PPP3CA: variants seen among roughly 807,000 people sequenced by gnomAD.
PPP3CA encodes the protein protein phosphatase 3 catalytic subunit alpha.
Under a neutral mutation model 66.5 loss-of-function variants are expected in PPP3CA, and 14 were observed. The observed-to-expected ratio is 0.21, with a 90% CI of 0.14 to 0.33. PPP3CA has a LOEUF of 0.33. PPP3CA is among the 10% of genes least tolerant of loss of function. The probability of loss-of-function intolerance (pLI) is 1.00; values close to 1 mark genes in which losing one functional copy is unlikely to be tolerated. For synonymous variants in PPP3CA, 232 were observed against 226.2 expected (o/e 1.03, Z -0.23); for missense variants, 317 against 639.5 (o/e 0.50, Z 5.44).
At chr4:101,307,390 A>G (rs1728577997) in intron 1 of PPP3CA, among the ~76,000 whole-genome samples, 1 of 152,176 alleles carries the variant, frequency 6.6e-6, no homozygotes, top group Non-Finnish European at 1.5e-5. Flanking sequence ...TACCTTCGAA[A>G]CAATTCTGAG....
In PPP3CA at chr4:101,091,037, T is replaced by G. The variant is rs561669068; in HGVS notation, c.782+2739A>C. Among the ~76,000 whole-genome samples the G allele has an allele frequency of 1.8e-3, 276 of 152,174 alleles. 4 individuals are homozygous for G. Among genetic ancestry groups the G allele is most frequent in the African/African-American group, 6.2e-3 (259 of 41,550 alleles). Reference sequence around the variant, plus strand: ...GCCATAATATTATATAAGTTCAGTATTATATAAGTTCAGTATGGGACTCTG... The same window carrying G: ...GCCATAATATTATATAAGTTCAGTAGTATATAAGTTCAGTATGGGACTCTG... On this transcript the variant is annotated intron_variant, in intron 6 of 13. Coordinates refer to ENST00000394854, the MANE Select transcript of PPP3CA (RefSeq NM_000944.5).
chr4:101,196,832 G>T (rs1506799), intron 1 of PPP3CA, among the ~76,000 whole-genome samples: 2 of 151,916 alleles, frequency 1.3e-5, no homozygotes, highest in South Asian at 4.1e-4. Context: ...CCACTCACCC[G>T]CATCTTCTTA....
rs576836079 is a variant in PPP3CA at position 101,099,455 on chromosome 4, T to C, written c.496+156A>G. On this transcript the variant is annotated intron_variant, in intron 4 of 13. Coordinates refer to ENST00000394854, the MANE Select transcript of PPP3CA (RefSeq NM_000944.5). ...AAAAGAAATTCTGAATTCTCATAAA[T>C]GTCCATGCTTAGAAAGAAATATAGG... 1.1e-3 allele frequency among the ~76,000 whole-genome samples: 174 copies of C among 152,256 alleles called. 1 individual carries two copies. Among genetic ancestry groups the C allele is most frequent in the African/African-American group, 4.1e-3 (170 of 41,570 alleles).
intron 1 of PPP3CA, among the ~76,000 whole-genome samples, chr4:101,272,849 C>A (rs983124363): frequency 6.6e-6 from 1 of 152,086 alleles, no homozygotes; most frequent in Non-Finnish European, 1.5e-5. Context: ...TAACTTGTAA[C>A]CCAAATACTT....
At chr4:101,029,403 A>G (rs886791970) in intron 12 of PPP3CA, among the ~76,000 whole-genome samples, 1 of 150,856 alleles carries the variant, frequency 6.6e-6, no homozygotes. Flanking sequence ...TTATAAATTT[A>G]ATTTATGAGC....
intron 10 of PPP3CA, among the ~76,000 whole-genome samples, chr4:101,049,925 A>C (rs1028677567): frequency 6.6e-6 from 1 of 152,106 alleles, no homozygotes; most frequent in Non-Finnish European, 1.5e-5. Flanking sequence ...CTGGCATCTA[A>C]TGAGCTTATC....
chr4:101,128,465 G>A (rs138165293), intron 2 of PPP3CA, among the ~76,000 whole-genome samples: 135 of 151,824 alleles, frequency 8.9e-4, no homozygotes, highest in African/African-American at 2.8e-3. Context: ...CAAGATGGCC[G>A]AATAGGAACA....
intron 10 of PPP3CA, among the ~76,000 whole-genome samples, chr4:101,048,809 A>G (rs1727885701): frequency 6.6e-6 from 1 of 152,216 alleles, no homozygotes; most frequent in South Asian, 2.1e-4. Flanking sequence ...ATCTCAGTAT[A>G]TATTAAGAGC....
chr4:101,255,016 A>C (rs1474674911), intron 1 of PPP3CA, among the ~76,000 whole-genome samples: 1 of 150,164 alleles, frequency 6.7e-6, no homozygotes, highest in East Asian at 1.9e-4. Context: ...AATAAACATA[A>C]GAAGCATGAG....
At chr4:101,080,647 C>G (rs374384722) in intron 7 of PPP3CA, 21 bp from the exon 8 acceptor site, 1,230 of 1,346,782 alleles carry the variant, frequency 9.1e-4, no homozygotes, top group Non-Finnish European at 1.2e-3. Context: ...CAAATACAGT[C>G]AAAACAAAGC....
chr4:101,229,882 T>C (rs1191772990), intron 1 of PPP3CA, among the ~76,000 whole-genome samples: 1 of 151,048 alleles, frequency 6.6e-6, no homozygotes. Context: ...AGTGAGATAG[T>C]AACGAAAAAA....
At chr4:101,206,675 G>A (rs1188553556) in intron 1 of PPP3CA, among the ~76,000 whole-genome samples, 1 of 152,208 alleles carries the variant, frequency 6.6e-6, no homozygotes, top group South Asian at 2.1e-4. Flanking sequence ...CCCATTGAGT[G>A]TCTAGTCCAG....
intron 1 of PPP3CA, among the ~76,000 whole-genome samples, chr4:101,224,620 G>A (rs748488958): frequency 1.3e-5 from 2 of 151,796 alleles, no homozygotes; most frequent in African/African-American, 2.4e-5. Context: ...GAAATCACCT[G>A]AAGCTGGACT....
At chr4:101,109,155 G>T in intron 2 of PPP3CA, 77 bp from the exon 3 acceptor site, 3 of 1,410,004 alleles carry the variant, frequency 2.1e-6, no homozygotes, top group Non-Finnish European at 2.9e-6. Flanking sequence ...CAAAATTTTA[G>T]AACCAGAATT....
chr4:101,060,947 A>G, intron 10 of PPP3CA, 140 bp downstream of exon 10: 1 of 740,870 alleles, frequency 1.3e-6, no homozygotes, highest in East Asian at 2.8e-5. Flanking sequence ...TAAACAGAAA[A>G]TGAAATCATA....
chr4:101,289,003 C>T (rs1048592528), intron 1 of PPP3CA, among the ~76,000 whole-genome samples: 4 of 152,024 alleles, frequency 2.6e-5, no homozygotes, highest in African/African-American at 9.7e-5. Context: ...CACTCTCCAA[C>T]TGCGTAGGAG....
chr4:101,284,239 T>C, intron 1 of PPP3CA, among the ~76,000 whole-genome samples: 1 of 152,328 alleles, frequency 6.6e-6, no homozygotes, highest in African/African-American at 2.4e-5. Flanking sequence ...GGTAACTTTC[T>C]GGAAATCTTG....
chr4:101,085,141 A>T (rs1017180336), intron 6 of PPP3CA, among the ~76,000 whole-genome samples: 21 of 152,234 alleles, frequency 1.4e-4, no homozygotes, highest in Admixed American at 1.3e-4. Flanking sequence ...TAAAAGGCCC[A>T]GCTAAGGGGC....
chr4:101,061,988 G>C (rs1235505310), intron 9 of PPP3CA, among the ~76,000 whole-genome samples: 1 of 152,018 alleles, frequency 6.6e-6, no homozygotes, highest in Non-Finnish European at 1.5e-5. Flanking sequence ...ATGAATGATA[G>C]AGAGTCAAAC....
Sources: gnomAD v4.1 joint callset for allele counts (sites outside exome capture counted in the v4.1 genomes callset) on GRCh38, gnomAD v4.1.1 for gene constraint, MANE v1.5 for transcripts, NCBI Gene and HGNC (gene_info 2026-07-23, HGNC 2026-07-21) for gene names.